The following ST8SIA6 variants were observed in gnomAD, a reference collection of about 807,000 sequenced individuals.
ST8SIA6 encodes the protein alpha-2,8-sialyltransferase 8F.
Under a neutral mutation model 33.6 loss-of-function variants are expected in ST8SIA6, and 39 were observed. That is an observed-to-expected ratio of 1.16 (90% CI 0.90 to 1.52). The LOEUF is 1.52. ST8SIA6 is among the 40% of genes most tolerant of loss of function. ST8SIA6 has a pLI of 0.00. For synonymous variants in ST8SIA6, 172 were observed against 167.2 expected, an observed-to-expected ratio of 1.03 and a Z score of -0.22; for missense variants, 441 against 443.8, an observed-to-expected ratio of 0.99 and a Z score of 0.06.
intron 2 of ST8SIA6, among the ~76,000 whole-genome samples, chr10:17,404,191 A>G (rs920546796): frequency 6.6e-6 from 1 of 152,140 alleles, no homozygotes; most frequent in African/African-American, 2.4e-5. Flanking sequence ...TACTTCTCAC[A>G]TTGAACATAC....
chr10:17,437,090 T>A (rs1238340157), intron 2 of ST8SIA6, among the ~76,000 whole-genome samples: 1 of 152,170 alleles, frequency 6.6e-6, no homozygotes, highest in Non-Finnish European at 1.5e-5. Flanking sequence ...ATGCCCCAAA[T>A]TGCAATTCTA....
chr10:17,423,866 T>C (rs1441472036), intron 2 of ST8SIA6, among the ~76,000 whole-genome samples: 1 of 152,230 alleles, frequency 6.6e-6, no homozygotes, highest in Non-Finnish European at 1.5e-5. Flanking sequence ...AGGTGCTCTG[T>C]AGATAACTAA....
intron 4 of ST8SIA6, among the ~76,000 whole-genome samples, chr10:17,346,758 T>C (rs1368258424): frequency 5.9e-5 from 9 of 152,246 alleles, no homozygotes; most frequent in Non-Finnish European, 1.5e-5. Flanking sequence ...AATAGCTATG[T>C]GTGTCTGGGC....
chr10:17,397,850 A>T (rs188707392), intron 2 of ST8SIA6, among the ~76,000 whole-genome samples: 1 of 152,310 alleles, frequency 6.6e-6, no homozygotes, highest in East Asian at 1.9e-4. Context: ...GAAAAAAAAG[A>T]TACACAAAAA....
chr10:17,337,157 C>T (rs12765380), intron 4 of ST8SIA6, among the ~76,000 whole-genome samples: 1 of 151,640 alleles, frequency 6.6e-6, no homozygotes, highest in South Asian at 2.1e-4. Flanking sequence ...TCTCTCTCTT[C>T]CTCCGGCCGT....
At chr10:17,370,492 A>G (rs1849697013) in intron 3 of ST8SIA6, among the ~76,000 whole-genome samples, 2 of 152,068 alleles carry the variant, frequency 1.3e-5, no homozygotes, top group South Asian at 2.1e-4. Flanking sequence ...AATTTTAACT[A>G]TTTTCAATGT....
At chr10:17,323,964 G>C (rs1306840489) in intron 6 of ST8SIA6, among the ~76,000 whole-genome samples, 2 of 152,160 alleles carry the variant, frequency 1.3e-5, no homozygotes, top group African/African-American at 4.8e-5. Context: ...CATGTGGATA[G>C]TTTTGCCACC....
At position 17,318,002 on chromosome 10, in the gene ST8SIA6, C is replaced by A. The variant is rs184713252; in HGVS notation, c.*2876G>T. On this transcript the variant is annotated 3_prime_UTR_variant, in exon 8 of 8. Coordinates refer to ENST00000377602, the MANE Select transcript of ST8SIA6 (RefSeq NM_001004470.3). ...ATGCAATTGATCATGAAGCCCTTTG[C>A]AGGGACCACAGAGTACTATGGACTA... 6.6e-6 allele frequency among the ~76,000 whole-genome samples: 1 copy of A among 152,300 alleles called. No individual in the cohort carries two copies. Among genetic ancestry groups the A allele is most frequent in the East Asian group, 1.9e-4 (1 of 5,184 alleles).
chr10:17,416,911 A>T (rs1409949272), intron 2 of ST8SIA6, among the ~76,000 whole-genome samples: 1 of 152,240 alleles, frequency 6.6e-6, no homozygotes, highest in Non-Finnish European at 1.5e-5. Flanking sequence ...CTTGCATCCT[A>T]CAACATAACC....
chr10:17,397,965 C>T (rs1215569541), intron 2 of ST8SIA6, among the ~76,000 whole-genome samples: 1 of 152,162 alleles, frequency 6.6e-6, no homozygotes, highest in Non-Finnish European at 1.5e-5. Context: ...TTTACAAGCC[C>T]CACTGACAAG....
At chr10:17,346,908 G>A (rs1262750071) in intron 4 of ST8SIA6, among the ~76,000 whole-genome samples, 1 of 151,994 alleles carries the variant, frequency 6.6e-6, no homozygotes, top group East Asian at 1.9e-4. Context: ...CTTAAGAATT[G>A]GTCCACACAA....
chr10:17,404,863 A>G (rs1206723577), intron 2 of ST8SIA6, among the ~76,000 whole-genome samples: 1 of 152,188 alleles, frequency 6.6e-6, no homozygotes, highest in South Asian at 2.1e-4. Flanking sequence ...AGTGTCATGA[A>G]TACTTTCTTC....
chr10:17,395,192 T>A (rs1056417329), intron 2 of ST8SIA6, among the ~76,000 whole-genome samples: 4 of 152,196 alleles, frequency 2.6e-5, no homozygotes, highest in African/African-American at 9.6e-5. Flanking sequence ...AAGTAAGACA[T>A]GCCTTTCACC....
intron 2 of ST8SIA6, among the ~76,000 whole-genome samples, chr10:17,414,571 T>C (rs1235517811): frequency 6.6e-6 from 1 of 152,216 alleles, no homozygotes; most frequent in African/African-American, 2.4e-5. Context: ...TTTCATCTCA[T>C]ATTTTGAAGA....
chr10:17,353,854 C>T (rs757878657), intron 4 of ST8SIA6, among the ~76,000 whole-genome samples: 4 of 152,074 alleles, frequency 2.6e-5, no homozygotes, highest in East Asian at 3.9e-4. Context: ...TGAAACCTGA[C>T]GATGTCTATA....
At chr10:17,367,425 C>A (rs187434064) in intron 3 of ST8SIA6, among the ~76,000 whole-genome samples, 2 of 152,206 alleles carry the variant, frequency 1.3e-5, no homozygotes, top group East Asian at 3.9e-4. Flanking sequence ...TACCTCCCCC[C>A]AGGTCCTTCC....
At chr10:17,406,097 C>T (rs979132037) in intron 2 of ST8SIA6, among the ~76,000 whole-genome samples, 1 of 152,230 alleles carries the variant, frequency 6.6e-6, no homozygotes, top group African/African-American at 2.4e-5. Flanking sequence ...GAATGTGTCA[C>T]CTCAAAATAT....
intron 2 of ST8SIA6, among the ~76,000 whole-genome samples, chr10:17,428,610 G>A (rs914806411): frequency 5.3e-5 from 8 of 151,944 alleles, no homozygotes; most frequent in Non-Finnish European, 1.0e-4. Flanking sequence ...GTGTCTCCAG[G>A]GAGGAGCTAA....
At chr10:17,352,763 C>T (rs191260741) in intron 4 of ST8SIA6, among the ~76,000 whole-genome samples, 13 of 152,096 alleles carry the variant, frequency 8.5e-5, no homozygotes, top group African/African-American at 2.6e-4. Context: ...TTATTAAATA[C>T]GGAAGAAGTA....
Sources: gnomAD v4.1 joint callset for allele counts (sites outside exome capture counted in the v4.1 genomes callset) on GRCh38, gnomAD v4.1.1 for gene constraint, MANE v1.5 for transcripts, NCBI Gene and HGNC (gene_info 2026-07-23, HGNC 2026-07-21) for gene names.